Variants in GULP1 observed in about 807,000 individuals in gnomAD.
GULP1 encodes the protein GULP PTB domain containing engulfment adaptor 1.
GULP1 carries 19 observed loss-of-function variants against 40.9 expected under a neutral mutation model. The ratio of observed to expected loss-of-function variants is 0.46; its 90% CI spans 0.32 to 0.68. The LOEUF (loss-of-function observed/expected upper bound fraction) is 0.68. Among genes scored for constraint, GULP1 ranks in the 30% least tolerant of loss-of-function variants. The probability of loss-of-function intolerance (pLI) is 0.03; values close to 1 mark genes in which losing one functional copy is unlikely to be tolerated. For missense variants in GULP1, 312 were observed against 362.2 expected (o/e 0.86, Z 1.12); for synonymous variants, 119 against 117.6 (o/e 1.01, Z -0.08).
At chr2:188,544,801 AG>A (rs1280805544) in intron 7 of GULP1, among the ~76,000 whole-genome samples, 1 of 151,996 alleles carries the variant, frequency 6.6e-6, no homozygotes, top group Non-Finnish European at 1.5e-5. Flanking sequence ...AAAGAGAATA[AG>A]CACCCTTAAA....
intron 1 of GULP1, among the ~76,000 whole-genome samples, chr2:188,359,475 C>A (rs1007599059): frequency 6.6e-6 from 1 of 152,030 alleles, no homozygotes; most frequent in Non-Finnish European, 1.5e-5. Context: ...TTTTGGAAAG[C>A]TTTTCTCTGC....
chr2:188,307,675 T>C (rs1344743639), intron 1 of GULP1, among the ~76,000 whole-genome samples: 1 of 152,216 alleles, frequency 6.6e-6, no homozygotes, highest in East Asian at 1.9e-4. Flanking sequence ...GCTGTTTTGA[T>C]TTGCATTCTT....
chr2:188,474,474 G>A (rs1269253178), intron 2 of GULP1, among the ~76,000 whole-genome samples: 2 of 152,124 alleles, frequency 1.3e-5, no homozygotes, highest in East Asian at 3.9e-4. Context: ...CCATGGCCAG[G>A]GGTCAGTTGA....
At chr2:188,434,392 T>C (rs1010274187) in intron 2 of GULP1, among the ~76,000 whole-genome samples, 1 of 151,824 alleles carries the variant, frequency 6.6e-6, no homozygotes, top group Non-Finnish European at 1.5e-5. Flanking sequence ...TTGGTTATTA[T>C]GGTGACTTTG....
intron 2 of GULP1, among the ~76,000 whole-genome samples, chr2:188,384,524 C>T (rs1317644138): frequency 6.6e-6 from 1 of 152,058 alleles, no homozygotes; most frequent in Non-Finnish European, 1.5e-5. Context: ...ATCCCTGGCC[C>T]CTCTCAAATC....
At chr2:188,568,287 A>G (rs79738044) in intron 7 of GULP1, among the ~76,000 whole-genome samples, 1 of 152,152 alleles carries the variant, frequency 6.6e-6, no homozygotes, top group Admixed American at 6.6e-5. Context: ...TCTTCTTGTT[A>G]TCTGGAGGTC....
intron 1 of GULP1, among the ~76,000 whole-genome samples, chr2:188,379,535 A>T (rs2048740705): frequency 6.6e-6 from 1 of 152,176 alleles, no homozygotes; most frequent in African/African-American, 2.4e-5. Flanking sequence ...TCCAAGAAGT[A>T]ATTTGCTTGT....
intron 4 of GULP1, among the ~76,000 whole-genome samples, chr2:188,509,331 G>A (rs964927154): frequency 6.6e-6 from 1 of 152,026 alleles, no homozygotes; most frequent in African/African-American, 2.4e-5. Flanking sequence ...AAACCTGGAA[G>A]GTAAAACAGG....
chr2:188,587,904 A>G lies in GULP1; in HGVS notation c.798A>G (p.Ala266=), dbSNP rs781707928. The G allele has an allele frequency of 5.6e-6, 9 of 1,610,516 alleles. No homozygotes were observed. In the East Asian group the frequency reaches 1.1e-4, roughly 20 times the overall value. Residue 266 remains alanine, a synonymous_variant, in exon 11 of 12, where the codon GCA becomes GCG. Coordinates refer to ENST00000409830, the MANE Select transcript of GULP1 (RefSeq NM_016315.4). ...CTTTTGACCCATTTAACTGTGGAGC[A>G]GCAGATTTCCCTCCAGATATTCAAT... ...AEPFDPFNCG[A]ADFPPDIQSK...
rs1040041439 is a variant in GULP1 at position 188,515,184 on chromosome 2, T to C, written c.91-7572T>C. 2.0e-5 allele frequency among the ~76,000 whole-genome samples: 3 copies of C among 152,300 alleles called. No individual in the cohort carries two copies. In the East Asian group the frequency reaches 5.8e-4, roughly 29 times the overall value. ...TTACATTCCTACCAGCAGTGACATC[T>C]TGTAATTTTATTTGCTATATCTGGC... is the stretch of plus-strand genomic sequence containing the variant. On this transcript the variant is annotated intron_variant, in intron 4 of 11. Coordinates refer to ENST00000409830, the MANE Select transcript of GULP1 (RefSeq NM_016315.4).
intron 2 of GULP1, among the ~76,000 whole-genome samples, chr2:188,419,064 TAG>T (rs2054990989): frequency 6.6e-6 from 1 of 152,210 alleles, no homozygotes; most frequent in Non-Finnish European, 1.5e-5. Flanking sequence ...TTCTTTTTTT[TAG>T]AGTTATTTTT....
At chr2:188,583,513 G>A (rs913166140) in intron 9 of GULP1, among the ~76,000 whole-genome samples, 1 of 152,094 alleles carries the variant, frequency 6.6e-6, no homozygotes, top group Non-Finnish European at 1.5e-5. Flanking sequence ...GTTTTACAAA[G>A]TGATAAATGT....
At chr2:188,464,273 T>C (rs568757836) in intron 2 of GULP1, among the ~76,000 whole-genome samples, 2 of 152,282 alleles carry the variant, frequency 1.3e-5, no homozygotes, top group African/African-American at 4.8e-5. Flanking sequence ...AGAGGTACTA[T>C]ATTGATGGTC....
intron 5 of GULP1, among the ~76,000 whole-genome samples, chr2:188,528,856 A>T (rs1478923483): frequency 6.6e-6 from 1 of 152,162 alleles, no homozygotes; most frequent in Admixed American, 6.5e-5. Flanking sequence ...TGTAAATACC[A>T]TGAAAGAAGT....
chr2:188,356,992 A>G (rs188403684), intron 1 of GULP1, among the ~76,000 whole-genome samples: 3 of 152,314 alleles, frequency 2.0e-5, no homozygotes, highest in Non-Finnish European at 4.4e-5. Context: ...ATGCTGGGAA[A>G]ACAGGATATC....
At chr2:188,503,156 A>G (rs979404849) in intron 4 of GULP1, among the ~76,000 whole-genome samples, 2 of 151,920 alleles carry the variant, frequency 1.3e-5, no homozygotes, top group Admixed American at 1.3e-4. Flanking sequence ...TATGGGCCAC[A>G]TGTGGCCCAA....
chr2:188,459,533 C>A (rs2059538298), intron 2 of GULP1, among the ~76,000 whole-genome samples: 1 of 152,092 alleles, frequency 6.6e-6, no homozygotes, highest in Admixed American at 6.5e-5. Context: ...TTTTTTCCTG[C>A]AGAGTTGTTT....
intron 4 of GULP1, among the ~76,000 whole-genome samples, chr2:188,501,307 G>A (rs572318786): frequency 4.0e-5 from 6 of 151,604 alleles, no homozygotes; most frequent in Non-Finnish European, 4.4e-5. Flanking sequence ...TCTCTCTCTC[G>A]TTCTTTCTCC....
At position 188,477,731 on chromosome 2, in the gene GULP1, G is replaced by A; in HGVS notation, c.28+1G>A. ...AACCGTGCTTTTAGCAGGAAGAAAG[G>A]TAAGTGTGGTCATTTTTTAAAACTT... On this transcript the variant is annotated splice_donor_variant, in intron 3 of 11. Coordinates refer to ENST00000409830, the MANE Select transcript of GULP1 (RefSeq NM_016315.4). LOFTEE classifies it high-confidence loss of function. 1 of 1,597,872 alleles carries A rather than the reference G, an allele frequency of 6.3e-7. No homozygotes were observed. Among genetic ancestry groups the A allele is most frequent in the Non-Finnish European group, 8.5e-7 (1 of 1,172,044 alleles).
Sources: allele counts gnomAD v4.1 joint callset (sites outside exome capture counted in the v4.1 genomes callset), GRCh38; gene constraint gnomAD v4.1.1; transcripts MANE v1.5; gene names NCBI Gene and HGNC (gene_info 2026-07-23, HGNC 2026-07-21).